Variants in CAPSL observed in about 807,000 individuals in gnomAD.
The protein encoded by CAPSL is calcyphosin-like protein.
Under a neutral mutation model 21.3 loss-of-function variants are expected in CAPSL, and 17 were observed. That is an observed-to-expected ratio of 0.80 (90% CI 0.55 to 1.20). The LOEUF (loss-of-function observed/expected upper bound fraction) is 1.20. Among genes scored for constraint, CAPSL ranks in the 50% most tolerant of loss-of-function variants. The pLI is 0.00. For synonymous variants in CAPSL, 102 were observed against 89.3 expected (o/e 1.14, Z -0.80); for missense variants, 289 against 259.3 (o/e 1.11, Z -0.79).
intron 1 of CAPSL, among the ~76,000 whole-genome samples, chr5:35,934,728 C>A (rs954482990): frequency 6.6e-6 from 1 of 152,190 alleles, no homozygotes; most frequent in African/African-American, 2.4e-5. Flanking sequence ...ATGGGTAACA[C>A]CTTTCTTGTC....
intron 4 of CAPSL, among the ~76,000 whole-genome samples, chr5:35,909,503 T>C (rs1408434110): frequency 6.6e-6 from 1 of 152,226 alleles, no homozygotes; most frequent in Non-Finnish European, 1.5e-5. Context: ...TTTATTATAA[T>C]CAGTTCACTG....
At chr5:35,920,778 T>C (rs1325948365) in intron 2 of CAPSL, among the ~76,000 whole-genome samples, 1 of 152,194 alleles carries the variant, frequency 6.6e-6, no homozygotes, top group African/African-American at 2.4e-5. Context: ...GTAGCAGATA[T>C]GAGTCTTGCC....
intron 2 of CAPSL, among the ~76,000 whole-genome samples, chr5:35,919,592 G>A (rs972691080): frequency 9.2e-5 from 14 of 152,256 alleles, no homozygotes; most frequent in African/African-American, 2.6e-4. Context: ...TTCTAAGACA[G>A]GATTTATGGG....
chr5:35,912,577 A>G (rs6862692), intron 2 of CAPSL, among the ~76,000 whole-genome samples: 65,694 of 152,054 alleles, frequency 0.43, 14,875 homozygotes, highest in African/African-American at 0.54. Context: ...TGCAGCCTCC[A>G]CTGCTGATAC....
chr5:35,919,170 A>AAATAT (rs754098152), intron 2 of CAPSL, among the ~76,000 whole-genome samples: 152 of 121,274 alleles, frequency 1.3e-3, no homozygotes, highest in East Asian at 8.3e-3. Flanking sequence ...TAAAAAAAAA[A>AAATAT]ATATATATAT....
At chr5:35,915,483 C>T (rs1359565594) in intron 2 of CAPSL, among the ~76,000 whole-genome samples, 2 of 152,182 alleles carry the variant, frequency 1.3e-5, no homozygotes, top group African/African-American at 4.8e-5. Flanking sequence ...CAAACCAAAT[C>T]CAGCAGTACA....
chr5:35,917,518 A>G lies in CAPSL; in HGVS notation c.137+3466T>C, dbSNP rs545092173. Among the ~76,000 whole-genome samples the G allele has an allele frequency of 2.8e-3, 419 of 152,304 alleles. 5 individuals carry two copies. The highest frequency in any genetic ancestry group is 9.8e-3 in the African/African-American group (408 of 41,564). Reference sequence around the variant, plus strand: ...TAAGAAAATGTGGCACATATACACCATGGAATACTATGCAGCCATAAAAAA... The same window carrying G: ...TAAGAAAATGTGGCACATATACACCGTGGAATACTATGCAGCCATAAAAAA... On this transcript the variant is annotated intron_variant, in intron 2 of 4. Transcript: ENST00000651391.
rs527741152 is a variant in CAPSL, at chr5:35,918,576, C to T, written c.137+2408G>A. On this transcript the variant is annotated intron_variant, in intron 2 of 4. Transcript: ENST00000651391. ...TGTATACCTATGTAACAAACCTGCA[C>T]GTTCTGCCCATGTATCCCAGCACTT... is the stretch of plus-strand genomic sequence containing the variant. Among the ~76,000 whole-genome samples the T allele has an allele frequency of 7.2e-5, 11 of 152,236 alleles. No individual in the cohort carries two copies. The South Asian group carries it at 2.3e-3, about 32-fold the overall frequency.
At chr5:35,916,419 A>G (rs1738387402) in intron 2 of CAPSL, among the ~76,000 whole-genome samples, 1 of 152,282 alleles carries the variant, frequency 6.6e-6, no homozygotes, top group South Asian at 2.1e-4. Flanking sequence ...CAATCCTAAG[A>G]CAAAAGAAAA....
At chr5:35,931,701 A>G (rs983605940) in intron 1 of CAPSL, among the ~76,000 whole-genome samples, 2 of 152,226 alleles carry the variant, frequency 1.3e-5, no homozygotes, top group Non-Finnish European at 2.9e-5. Flanking sequence ...GAAGCTACCT[A>G]AACTATGCAA....
intron 1 of CAPSL, among the ~76,000 whole-genome samples, chr5:35,935,993 C>T (rs1738936805): frequency 1.3e-5 from 2 of 152,164 alleles, no homozygotes; most frequent in African/African-American, 2.4e-5. Context: ...TGTATTTATT[C>T]TTTAACCACA....
At chr5:35,933,347 A>G (rs181875789) in intron 1 of CAPSL, among the ~76,000 whole-genome samples, 1 of 152,184 alleles carries the variant, frequency 6.6e-6, no homozygotes, top group Non-Finnish European at 1.5e-5. Context: ...AGCTATATCC[A>G]CTTTTTACAA....
At chr5:35,915,912 G>A (rs1009378637) in intron 2 of CAPSL, among the ~76,000 whole-genome samples, 7 of 152,154 alleles carry the variant, frequency 4.6e-5, no homozygotes, top group Admixed American at 3.3e-4. Flanking sequence ...AGGAAAAGAG[G>A]AAGTCAAATT....
intron 1 of CAPSL, among the ~76,000 whole-genome samples, chr5:35,930,298 CAT>C (rs1343391097): frequency 1.3e-5 from 2 of 152,106 alleles, no homozygotes; most frequent in African/African-American, 4.8e-5. Flanking sequence ...TATGCTAAAC[CAT>C]AGTCTTTACT....
At chr5:35,928,545 C>T (rs1238381158) in intron 1 of CAPSL, among the ~76,000 whole-genome samples, 2 of 152,166 alleles carry the variant, frequency 1.3e-5, no homozygotes, top group Non-Finnish European at 2.9e-5. Context: ...CTTAGTACCA[C>T]AAGCTATGCA....
At chr5:35,914,793 A>C (rs1469180670) in intron 2 of CAPSL, among the ~76,000 whole-genome samples, 1 of 152,246 alleles carries the variant, frequency 6.6e-6, no homozygotes, top group African/African-American at 2.4e-5. Flanking sequence ...TGTCACAATT[A>C]AAAGAACTAG....
intron 1 of CAPSL, among the ~76,000 whole-genome samples, chr5:35,926,023 C>T (rs1738665852): frequency 6.7e-6 from 1 of 148,788 alleles, no homozygotes; most frequent in Non-Finnish European, 1.5e-5. Flanking sequence ...TTACAGTGAG[C>T]CAAGATCGCG....
Position 35,904,474 on chromosome 5 carries a change from G to T in CAPSL, c.*71C>A. 4 of 1,099,788 alleles carry T rather than the reference G, an allele frequency of 3.6e-6. No individual in the cohort carries two copies. Among genetic ancestry groups the T allele is most frequent in the East Asian group, 2.4e-5 (1 of 42,024 alleles). The allele number at this position is 1,099,788 out of a possible 1,614,324, so 68.1% of individuals were successfully genotyped here. A position where few individuals can be genotyped will look rare whatever the true frequency, so the allele number is the denominator to read the frequency against. ...TGAGTGTGAAATCAAATACGATTCT[G>T]GTTTTTGAGCTGACATTTAGTCATT... On this transcript the variant is annotated 3_prime_UTR_variant, in exon 5 of 5. Transcript: ENST00000651391.
chr5:35,908,319 G>A (rs2149916108), intron 4 of CAPSL, among the ~76,000 whole-genome samples: 2 of 152,214 alleles, frequency 1.3e-5, no homozygotes, highest in Admixed American at 1.3e-4. Context: ...GCCAGAGTTG[G>A]GTATCAATAC....
Sources: gnomAD v4.1 joint callset for allele counts (sites outside exome capture counted in the v4.1 genomes callset) on GRCh38, gnomAD v4.1.1 for gene constraint, MANE v1.5 for transcripts, NCBI Gene and HGNC (gene_info 2026-07-23, HGNC 2026-07-21) for gene names.